Variants in GYS1 observed in about 807,000 individuals in gnomAD.
GYS1 encodes the protein glycogen synthase 1.
In GYS1, 60 loss-of-function variants were observed where a neutral mutation model predicts 89.1. That is an observed-to-expected ratio of 0.67 (90% CI 0.55 to 0.84). The LOEUF (loss-of-function observed/expected upper bound fraction) is 0.84, where lower values mean the gene tolerates loss of function less well. Among genes scored for constraint, GYS1 ranks in the 40% least tolerant of loss-of-function variants. The pLI, the probability that GYS1 is intolerant of heterozygous loss-of-function variation, is 0.00. For synonymous variants in GYS1, 366 were observed against 401.7 expected (o/e 0.91, Z 1.06); for missense variants, 888 against 1,003.1 (o/e 0.89, Z 1.55).
rs1475266587 is a variant in GYS1, at chr19:48,969,001, G to A, written c.*287C>T. ...TCCTAAAACCTCTGGCACCACCGCA[G>A]AGTAATGGCAGATTCCTGGCCTCTG... On this transcript the variant is annotated 3_prime_UTR_variant, in exon 16 of 16. Transcript: ENST00000323798. 3 of 636,750 alleles carry A rather than the reference G, an allele frequency of 4.7e-6. No homozygotes were observed. The highest frequency in any genetic ancestry group is 4.1e-4 in the Middle Eastern group (1 of 2,458). The allele number at this position is 636,750 out of a possible 1,614,324, so 39.4% of individuals were successfully genotyped here. A position where few individuals can be genotyped will look rare whatever the true frequency, so the allele number is the denominator to read the frequency against.
chr19:48,979,848 T>C (rs916426303), intron 8 of GYS1, among the ~76,000 whole-genome samples: 2 of 149,668 alleles, frequency 1.3e-5, no homozygotes, highest in South Asian at 2.1e-4. Flanking sequence ...GGTTTCACCA[T>C]GTTGGTCAAG....
Position 48,970,296 on chromosome 19 carries a change from T to C in GYS1, c.1809+250A>G, listed in dbSNP as rs2038541312. 1.8e-5 allele frequency: 9 copies of C among 502,414 alleles called. No individual in the cohort carries two copies. The East Asian group carries it at 3.3e-4, about 19-fold the overall frequency. The allele number at this position is 502,414 out of a possible 1,614,324, so 31.1% of individuals were successfully genotyped here. ...CGCACCATCACGCTCGGCTGATTTT[T>C]TTTTATTTTTAGTAAAAATAAAATG... On this transcript the variant is annotated intron_variant, in intron 14 of 15. Transcript: ENST00000323798.
Position 48,990,001 on chromosome 19 carries a change from G to GGT in GYS1, c.300+1300_300+1301insAC, listed in dbSNP as rs1555800126. ...CAGCTGTTGTCTGCCCTTTTGCTGG[G>GGT]GGGGGGGGGGGGCTATTCTTAGGCC... On this transcript the variant is annotated intron_variant, in intron 2 of 15. Coordinates refer to ENST00000323798, the MANE Select transcript of GYS1 (RefSeq NM_002103.5). Among the ~76,000 whole-genome samples the GGT allele has an allele frequency of 2.8e-3, 356 of 125,690 alleles. 14 individuals are homozygous for GGT. The highest frequency in any genetic ancestry group is 0.01 in the African/African-American group (333 of 32,838). 82.5% of individuals were successfully genotyped at this position (125,690 alleles called of 152,430 possible).
intron 8 of GYS1, 95 bp downstream of exon 8, chr19:48,981,435 A>G: frequency 1.3e-6 from 1 of 781,214 alleles, no homozygotes; most frequent in Non-Finnish European, 2.3e-6. Flanking sequence ...AAACAAACAA[A>G]CAAAACAAAA....
In GYS1 at chr19:48,968,503, G is replaced by A. The variant is rs1038209135; in HGVS notation, c.*785C>T. On this transcript the variant is annotated 3_prime_UTR_variant, in exon 16 of 16. Transcript: ENST00000323798. ...ACAGCCAGCTCTGTCCTCTGCAGGC[G>A]GATTCCCTGGAGGGAGATCTCAGAT... 4.0e-5 allele frequency: 18 copies of A among 454,564 alleles called. No individual in the cohort carries two copies. In the East Asian group the frequency reaches 7.6e-4, roughly 19 times the overall value. 28.2% of individuals were successfully genotyped at this position (454,564 alleles called of 1,614,324 possible).
chr19:48,974,785 C>CAGTA (rs1213558242), intron 10 of GYS1, 52 bp from the exon 11 acceptor site: 1 of 1,287,264 alleles, frequency 7.8e-7, no homozygotes, highest in South Asian at 1.2e-5. Flanking sequence ...AGAGAACTCC[C>CAGTA]TACTTCCTCA....
intron 12 of GYS1, among the ~76,000 whole-genome samples, chr19:48,971,665 G>A (rs1167930656): frequency 1.3e-5 from 2 of 150,244 alleles, no homozygotes; most frequent in African/African-American, 4.9e-5. Context: ...AGCGATTTTC[G>A]TGCCTTAGCC....
chr19:48,970,633 G>A lies in GYS1; in HGVS notation c.1722C>T (p.Phe574=). Residue 574 remains phenylalanine, a synonymous_variant, in exon 14 of 16, where the codon TTC becomes TTT. Coordinates refer to ENST00000323798, the MANE Select transcript of GYS1 (RefSeq NM_002103.5). ...TACGCTGCCGCCGGCTCTGCTGACAGAAACTGTAGAGGAAGGAGGTGAGCT... is the reference window on the plus strand; with the variant it reads ...TACGCTGCCGCCGGCTCTGCTGACAAAAACTGTAGAGGAAGGAGGTGAGCT... ...CSQLTSFLYS[F]CQQSRRQRII... is the part of the protein sequence containing the mutation. 6.2e-7 allele frequency: 1 copy of A among 1,614,016 alleles called. No homozygotes were observed. The highest frequency in any genetic ancestry group is 8.5e-7 in the Non-Finnish European group (1 of 1,179,964).
intron 5 of GYS1, among the ~76,000 whole-genome samples, chr19:48,984,912 AAC>A (rs2038818521): frequency 6.6e-6 from 1 of 152,040 alleles, no homozygotes. Context: ...AATAAAATAA[AAC>A]AGATTTGTAT....
At chr19:48,982,017 C>T (rs1600143602) in intron 7 of GYS1, among the ~76,000 whole-genome samples, 4 of 152,280 alleles carry the variant, frequency 2.6e-5, no homozygotes, top group African/African-American at 7.2e-5. Context: ...TTCACCCTCC[C>T]GAGTAGCTGG....
chr19:48,985,844 G>C lies in GYS1; in HGVS notation c.678+6C>G. 6.2e-7 allele frequency: 1 copy of C among 1,612,858 alleles called. No homozygotes were observed. The highest frequency in any genetic ancestry group is 8.5e-7 in the Non-Finnish European group (1 of 1,179,872). On this transcript the variant is annotated splice_donor_region_variant and intron_variant, in intron 4 of 15. Coordinates refer to ENST00000323798, the MANE Select transcript of GYS1 (RefSeq NM_002103.5). ...CAGTCCCCCATCTGCCACGGTCCCAGCTCACGTTCTCCAGGTTGTTGTAGA... is the reference window on the plus strand; with the variant it reads ...CAGTCCCCCATCTGCCACGGTCCCACCTCACGTTCTCCAGGTTGTTGTAGA...
At chr19:48,969,920 G>A in intron 14 of GYS1, 65 bp from the exon 15 acceptor site, 2 of 1,110,430 alleles carry the variant, frequency 1.8e-6, no homozygotes, top group South Asian at 2.5e-5. Context: ...GGCAGATGAT[G>A]GGGGTCTTGG....
chr19:48,992,907 G>T, intron 1 of GYS1, 88 bp downstream of exon 1: 1 of 822,216 alleles, frequency 1.2e-6, no homozygotes. Context: ...GGTTCCCCTA[G>T]TAGCCCCGTC....
chr19:48,985,823 C>G (rs914098341), intron 4 of GYS1, 27 bp downstream of exon 4: 18 of 1,609,668 alleles, frequency 1.1e-5, no homozygotes, highest in Admixed American at 1.7e-5. Context: ...TACTCGCAGT[C>G]CCCCATCTGC....
intron 2 of GYS1, 136 bp from the exon 3 acceptor site, chr19:48,987,521 TCTG>T: frequency 1.6e-6 from 1 of 637,386 alleles, no homozygotes; most frequent in Non-Finnish European, 2.7e-6. Flanking sequence ...TGTTTCCATA[TCTG>T]CTGCTAATTT....
chr19:48,985,917 G>A lies in GYS1; in HGVS notation c.611C>T (p.Thr204Ile). The change falls in exon 4 of 16, where the codon ACC becomes ATC. Residue 204 changes from threonine (T) to isoleucine (I), a missense_variant. Transcript: ENST00000323798. ...GTAGCGCCCCAGCAGCGTGGCATGG[G>A]TGGTGAAGATGGTTGCTACAGGCAG... ...RRLPVATIFT[T>I]HATLLGRYLC... The A allele has an allele frequency of 6.2e-7, 1 of 1,614,170 alleles. No homozygotes were observed. Among genetic ancestry groups the A allele is most frequent in the Non-Finnish European group, 8.5e-7 (1 of 1,180,040 alleles).
intron 2 of GYS1, among the ~76,000 whole-genome samples, chr19:48,990,788 G>A (rs2038913767): frequency 1.3e-5 from 2 of 152,132 alleles, no homozygotes; most frequent in Admixed American, 1.3e-4. Context: ...CCCCAGCTCT[G>A]CCTGGCTGGC....
intron 6 of GYS1, 142 bp from the exon 7 acceptor site, chr19:48,982,517 T>C: frequency 4.2e-6 from 4 of 957,706 alleles, no homozygotes; most frequent in Non-Finnish European, 6.6e-6. Flanking sequence ...CTCCTGGGAG[T>C]TGTAGTTCTT....
intron 8 of GYS1, among the ~76,000 whole-genome samples, chr19:48,980,130 C>T (rs1256919636): frequency 6.6e-6 from 1 of 152,074 alleles, no homozygotes; most frequent in Non-Finnish European, 1.5e-5. Context: ...AGACATGTCA[C>T]TCCAGCCCCA....
Sources: allele counts gnomAD v4.1 joint callset (sites outside exome capture counted in the v4.1 genomes callset), GRCh38; gene constraint gnomAD v4.1.1; transcripts MANE v1.5; gene names NCBI Gene and HGNC (gene_info 2026-07-23, HGNC 2026-07-21).